GCNT1: variants seen among roughly 807,000 people sequenced by gnomAD.
GCNT1 encodes beta-1,3-galactosyl-O-glycosyl-glycoprotein beta-1,6-N-acetylglucosaminyltransferase.
A neutral mutation model predicts 26.2 loss-of-function variants in GCNT1; 16 were observed. The observed-to-expected ratio is 0.61, with a 90% CI of 0.41 to 0.93. The LOEUF (loss-of-function observed/expected upper bound fraction) is 0.93. GCNT1 is among the 40% of genes least tolerant of loss of function. The pLI is 0.00. For synonymous variants in GCNT1, 183 were observed against 190.8 expected (o/e 0.96, Z 0.34); for missense variants, 477 against 526.7 (o/e 0.91, Z 0.92).
chr9:76,494,285 A>G (rs1824840648), intron 2 of GCNT1, among the ~76,000 whole-genome samples: 1 of 152,192 alleles, frequency 6.6e-6, no homozygotes, highest in African/African-American at 2.4e-5. Context: ...AATCGGATTT[A>G]GTGACCCTTA....
chr9:76,443,933 GGA>G, intron 1 of GCNT1, among the ~76,000 whole-genome samples: 1 of 36,038 alleles, frequency 2.8e-5, no homozygotes, highest in African/African-American at 9.1e-5. Context: ...AAGGAAGAAA[GGA>G]AGGAAGGAAG....
At chr9:76,415,741 A>T (rs1823127009), upstream of GCNT1, among the ~76,000 whole-genome samples, 1 of 152,254 alleles carries the variant, frequency 6.6e-6, no homozygotes, top group African/African-American at 2.4e-5. Flanking sequence ...ATTCACAAAG[A>T]AAGTTATTGA....
the GCNT1 span, chr9:76,394,599 C>G: frequency 3.3e-3 from 520 of 158,946 alleles, 6 homozygotes; most frequent in African/African-American, 0.012. Context: ...CCGCCGCAAG[C>G]TCCCGCTGCA....
intron 2 of GCNT1, among the ~76,000 whole-genome samples, chr9:76,463,273 G>A (rs1385389349): frequency 6.7e-6 from 1 of 148,952 alleles, no homozygotes; most frequent in African/African-American, 2.5e-5. Context: ...GGGGCCCCTT[G>A]TTAAAAAAAT....
chr9:76,416,571 G>A (rs776995049), upstream of GCNT1, among the ~76,000 whole-genome samples: 6 of 152,162 alleles, frequency 3.9e-5, no homozygotes, highest in South Asian at 2.1e-4. Flanking sequence ...TTGCCTGCAC[G>A]CTCCCCCTCC....
chr9:76,468,002 G>A (rs1160784216), intron 2 of GCNT1, among the ~76,000 whole-genome samples: 1 of 144,438 alleles, frequency 6.9e-6, no homozygotes, highest in African/African-American at 2.6e-5. Flanking sequence ...CACCTCCCAG[G>A]TTCAAGCAAT....
Position 76,505,743 on chromosome 9 carries a change from A to T in GCNT1, c.*2075A>T, listed in dbSNP as rs906623994. The T allele has an allele frequency of 1.8e-5, 3 of 166,954 alleles. No homozygotes were observed. Among genetic ancestry groups the T allele is most frequent in the Non-Finnish European group, 4.4e-5 (3 of 68,118 alleles). The allele number at this position is 166,954 out of a possible 1,614,324, so 10.3% of individuals were successfully genotyped here. ...GGCAAAATTGGAAATTAAAATTTTT[A>T]AAAATTACAAATATACAAAGTTATT... On this transcript the variant is annotated 3_prime_UTR_variant, in exon 4 of 4. Transcript: ENST00000376730.
At chr9:76,412,007 T>A in the GCNT1 span, among the ~76,000 whole-genome samples, 2 of 152,204 alleles carry the variant, frequency 1.3e-5, no homozygotes, top group African/African-American at 4.8e-5. Context: ...TGGCCAATTA[T>A]GCTTCTTTTA....
At chr9:76,491,150 T>TCTCTCTTCCTCTCTCTCTTTGA (rs1346522393) in intron 2 of GCNT1, among the ~76,000 whole-genome samples, 3 of 150,538 alleles carry the variant, frequency 2.0e-5, no homozygotes, top group Non-Finnish European at 4.4e-5. Context: ...TCCCTCTTTG[T>TCTCTCTTCCTCTCTCTCTTTGA]CTCTCTTCCT....
At chr9:76,397,467 A>G in the GCNT1 span, among the ~76,000 whole-genome samples, 1 of 148,550 alleles carries the variant, frequency 6.7e-6, no homozygotes, top group Admixed American at 6.7e-5. Context: ...TTTTTGAACC[A>G]GAGTCTCACT....
intron 2 of GCNT1, among the ~76,000 whole-genome samples, chr9:76,482,958 AC>A (rs1183120315): frequency 1.3e-5 from 2 of 151,662 alleles, no homozygotes; most frequent in African/African-American, 4.8e-5. Flanking sequence ...GGCCAAATTA[AC>A]AGTATATTAT....
intron 3 of GCNT1, chr9:76,501,990 TTTTTCTTTTG>T (rs1174051846): frequency 6.6e-6 from 1 of 152,160 alleles, no homozygotes; most frequent in Non-Finnish European, 1.5e-5. Context: ...TGGGGTTTGT[TTTTTCTTTTG>T]TTTTCTTTTT....
At chr9:76,439,223 CTTTTTTTTTTTTT>C (rs71499153), upstream of GCNT1, among the ~76,000 whole-genome samples, 1 of 120,128 alleles carries the variant, frequency 8.3e-6, no homozygotes, top group Non-Finnish European at 1.7e-5. Flanking sequence ...TTTTCTTTTT[CTTTTTTTTTTTTT>C]TTTTTTTTGA....
chr9:76,474,013 C>T (rs896298068), intron 2 of GCNT1, among the ~76,000 whole-genome samples: 2 of 152,112 alleles, frequency 1.3e-5, no homozygotes, highest in African/African-American at 4.8e-5. Flanking sequence ...GTAGAAGGAT[C>T]GCTTTGAACC....
Position 76,488,541 on chromosome 9 carries a change from A to G in GCNT1, c.-289-12375A>G, listed in dbSNP as rs540294815. Among the ~76,000 whole-genome samples, 55 of 152,092 alleles carry G rather than the reference A, an allele frequency of 3.6e-4. No individual in the cohort carries two copies. In the East Asian group the frequency reaches 5.6e-3, roughly 16 times the overall value. ...GCTCTGTTGCTCAGGGTGGAGTGCA[A>G]TGGCACAGTCTCCGCTCACTACAAC... On this transcript the variant is annotated intron_variant, in intron 2 of 3. Coordinates refer to ENST00000376730, the MANE Select transcript of GCNT1 (RefSeq NM_001490.5).
In GCNT1 at chr9:76,506,992, T is replaced by A. The variant is rs1290221370; in HGVS notation, c.*3324T>A. 1.2e-5 allele frequency: 2 copies of A among 167,040 alleles called. No homozygotes were observed. Among genetic ancestry groups the A allele is most frequent in the African/African-American group, 4.8e-5 (2 of 41,450 alleles). The allele number at this position is 167,040 out of a possible 1,614,324, so 10.3% of individuals were successfully genotyped here. On this transcript the variant is annotated 3_prime_UTR_variant, in exon 4 of 4. Coordinates refer to ENST00000376730, the MANE Select transcript of GCNT1 (RefSeq NM_001490.5). ...CCCATTATAATTTGAAAATATCACATTGAAAATGCATTTAATATCTCTTAC... is the reference window on the plus strand; with the variant it reads ...CCCATTATAATTTGAAAATATCACAATGAAAATGCATTTAATATCTCTTAC...
chr9:76,394,365 AC>A, the GCNT1 span: 1 of 407,380 alleles, frequency 2.5e-6, no homozygotes, highest in Non-Finnish European at 4.3e-6. Flanking sequence ...CCCAACAAAT[AC>A]CGCCGGGCGC....
chr9:76,421,606 A>G (rs1014230693), intron 1 of GCNT1, among the ~76,000 whole-genome samples: 5 of 144,738 alleles, frequency 3.5e-5, no homozygotes, highest in Non-Finnish European at 6.0e-5. Context: ...GTCTCAAAAA[A>G]AAAAAAAAAA....
At chr9:76,402,430 T>C in the GCNT1 span, among the ~76,000 whole-genome samples, 2 of 152,214 alleles carry the variant, frequency 1.3e-5, no homozygotes, top group African/African-American at 4.8e-5. Context: ...ATTTAGAACC[T>C]TTTGAAGCAC....
Sources: gnomAD v4.1 joint callset for allele counts (sites outside exome capture counted in the v4.1 genomes callset) on GRCh38, gnomAD v4.1.1 for gene constraint, MANE v1.5 for transcripts, NCBI Gene and HGNC (gene_info 2026-07-23, HGNC 2026-07-21) for gene names.